Variants in TNS4 observed in about 807,000 individuals in gnomAD.
TNS4 encodes the protein tensin-4.
In TNS4, 46 loss-of-function variants were observed where a neutral mutation model predicts 70.4. That is an observed-to-expected ratio of 0.65 (90% CI 0.52 to 0.84). TNS4 has a LOEUF of 0.84. Ranked by LOEUF, TNS4 falls within the 40% of genes least tolerant of loss-of-function variation. The pLI, the probability that TNS4 is intolerant of heterozygous loss-of-function variation, is 0.00. For synonymous variants in TNS4, 390 were observed against 366.6 expected, an observed-to-expected ratio of 1.06 and a Z score of -0.73; for missense variants, 863 against 907.0, an observed-to-expected ratio of 0.95 and a Z score of 0.62.
At chr17:40,480,911 G>A in intron 8 of TNS4, 143 bp from the exon 9 acceptor site, 1 of 955,660 alleles carries the variant, frequency 1.0e-6, no homozygotes, top group Non-Finnish European at 1.5e-6. Context: ...AACCAGGTGT[G>A]ATTACCGTAA....
Position 40,487,115 on chromosome 17 carries a change from A to G in TNS4, c.1209T>C (p.Ala403=). Residue 403 remains alanine (A), a synonymous_variant, in exon 4 of 13, where the codon GCT becomes GCC. Coordinates refer to ENST00000254051, the MANE Select transcript of TNS4 (RefSeq NM_032865.6). ...GHQNSVQPGA[A]SPSNPCPATR... ...TGGCTGGACAGGGGTTGCTGGGAGA[A>G]GCAGCTCCAGGTTGAACGGAGTTCT... 6.2e-7 allele frequency: 1 copy of G among 1,614,206 alleles called. No homozygotes were observed. The highest frequency in any genetic ancestry group is 2.2e-5 in the East Asian group (1 of 44,884).
chr17:40,495,633 T>G (rs2036131766), intron 2 of TNS4, among the ~76,000 whole-genome samples: 1 of 152,132 alleles, frequency 6.6e-6, no homozygotes, highest in Non-Finnish European at 1.5e-5. Context: ...GGCTCTGAAG[T>G]GAGACACCCT....
In TNS4 at chr17:40,477,152, G is replaced by A. The variant is rs550750498; in HGVS notation, c.*436C>T. 86 of 159,008 alleles carry A rather than the reference G, an allele frequency of 5.4e-4. 1 individual carries two copies. The highest frequency in any genetic ancestry group is 8.3e-4 in the Non-Finnish European group (60 of 72,586). The allele number at this position is 159,008 out of a possible 1,614,324, so 9.8% of individuals were successfully genotyped here. On this transcript the variant is annotated 3_prime_UTR_variant, in exon 13 of 13. Coordinates refer to ENST00000254051, the MANE Select transcript of TNS4 (RefSeq NM_032865.6). ...TCACCAGCTGCAAGCCAGGAGCCCC[G>A]TGGGTCACCGCCAGGCACCTGCTGT...
In TNS4 at chr17:40,488,862, C is replaced by A. The variant is rs1180677266; in HGVS notation, c.547G>T (p.Gly183Cys). 6.2e-7 allele frequency: 1 copy of A among 1,613,274 alleles called. No homozygotes were observed. The highest frequency in any genetic ancestry group is 8.5e-7 in the Non-Finnish European group (1 of 1,179,868). ...GGGACGTCTCTGGAAAGGAGGAGGC[C>A]ACCACTGCGAAGGGAGCCGAAGGGC... ...TPPFGSLRSGGLLLSRDVPRE... is the reference protein window; with the variant it reads ...TPPFGSLRSGCLLLSRDVPRE... Residue 183 changes from glycine to cysteine, a missense_variant, in exon 3 of 13, where the codon GGC (glycine) becomes TGC (cysteine). Coordinates refer to ENST00000254051, the MANE Select transcript of TNS4 (RefSeq NM_032865.6).
rs538027621 is a variant in TNS4, at chr17:40,491,185, A to T, written c.440-2216T>A. Among the ~76,000 whole-genome samples, 4 of 152,344 alleles carry T rather than the reference A, an allele frequency of 2.6e-5. No individual in the cohort carries two copies. The South Asian group carries it at 8.3e-4, about 32-fold the overall frequency. On this transcript the variant is annotated intron_variant, in intron 2 of 12. Transcript: ENST00000254051. ...CTGAACCTTATAATAGCCCTTGAGCAGGGCAGGCATTATTTTTTACAGAGG... is the reference window on the plus strand; with the variant it reads ...CTGAACCTTATAATAGCCCTTGAGCTGGGCAGGCATTATTTTTTACAGAGG...
At chr17:40,498,783 A>G (rs1045703129) in intron 1 of TNS4, among the ~76,000 whole-genome samples, 3 of 152,160 alleles carry the variant, frequency 2.0e-5, no homozygotes, top group African/African-American at 7.2e-5. Flanking sequence ...TCCTGGGCTC[A>G]AGTGCTCCTC....
At position 40,488,885 on chromosome 17, in the gene TNS4, G is replaced by A; in HGVS notation, c.524C>T (p.Pro175Leu). The A allele has an allele frequency of 3.1e-6, 5 of 1,613,484 alleles. No homozygotes were observed. Among genetic ancestry groups the A allele is most frequent in the Non-Finnish European group, 2.5e-6 (3 of 1,179,878 alleles). The change falls in exon 3 of 13, where the codon CCC (proline) becomes CTC (leucine). Residue 175 changes from proline to leucine, a missense_variant. Coordinates refer to ENST00000254051, the MANE Select transcript of TNS4 (RefSeq NM_032865.6). ...QHCSSPSVTP[P>L]FGSLRSGGLL... ...GCCACCACTGCGAAGGGAGCCGAAG[G>A]GCGGGGTGACAGAGGGGCTGGAGCA...
intron 2 of TNS4, among the ~76,000 whole-genome samples, chr17:40,490,283 G>A (rs1037386961): frequency 6.6e-6 from 1 of 151,952 alleles, no homozygotes; most frequent in Non-Finnish European, 1.5e-5. Context: ...TTCCTCTCCC[G>A]AGGTCGGCCT....
At chr17:40,500,853 A>G (rs1297990229) in intron 1 of TNS4, among the ~76,000 whole-genome samples, 2 of 142,984 alleles carry the variant, frequency 1.4e-5, no homozygotes, top group East Asian at 4.8e-4. Flanking sequence ...GACCCATAGG[A>G]CCAGTGAAGG....
At chr17:40,486,312 T>A (rs1341458644) in intron 4 of TNS4, among the ~76,000 whole-genome samples, 1 of 152,148 alleles carries the variant, frequency 6.6e-6, no homozygotes, top group Non-Finnish European at 1.5e-5. Flanking sequence ...GAGTCAGAAC[T>A]GACTCGCCCT....
intron 2 of TNS4, among the ~76,000 whole-genome samples, chr17:40,490,840 G>A (rs2036058762): frequency 6.6e-6 from 1 of 152,222 alleles, no homozygotes; most frequent in South Asian, 2.1e-4. Context: ...TGCAAAGTGA[G>A]GATCTGAAAC....
At chr17:40,497,754 G>A (rs925831939) in intron 1 of TNS4, among the ~76,000 whole-genome samples, 4 of 152,208 alleles carry the variant, frequency 2.6e-5, no homozygotes, top group African/African-American at 7.2e-5. Flanking sequence ...GAGGCAGGCT[G>A]GCCAGATCCC....
chr17:40,494,357 G>A (rs1247970626), intron 2 of TNS4, among the ~76,000 whole-genome samples: 1 of 152,262 alleles, frequency 6.6e-6, no homozygotes, highest in East Asian at 1.9e-4. Context: ...GCTTGTGAAA[G>A]CTCTGCCTGA....
Position 40,476,263 on chromosome 17 carries a change from C to T in TNS4, c.*1325G>A, listed in dbSNP as rs2035845966. The T allele has an allele frequency of 6.6e-6, 1 of 151,808 alleles. No individual in the cohort carries two copies. The highest frequency in any genetic ancestry group is 2.4e-5 in the African/African-American group (1 of 41,298). 9.4% of individuals were successfully genotyped at this position (151,808 alleles called of 1,614,324 possible). A position where few individuals can be genotyped will look rare whatever the true frequency, so the allele number is the denominator to read the frequency against. ...GGGTGGGGGTGGGTGTGGGATAGAG[C>T]CCAGCTCCTCCAAGCCTCTTAGGGA... On this transcript the variant is annotated 3_prime_UTR_variant, in exon 13 of 13. Transcript: ENST00000254051.
intron 2 of TNS4, among the ~76,000 whole-genome samples, chr17:40,489,196 G>A (rs2036034514): frequency 6.6e-6 from 1 of 152,108 alleles, no homozygotes. Context: ...CCCAGGCCTT[G>A]GAATCAGACA....
At chr17:40,495,814 T>C (rs2036134993) in intron 2 of TNS4, among the ~76,000 whole-genome samples, 173 bp downstream of exon 2, 1 of 152,212 alleles carries the variant, frequency 6.6e-6, no homozygotes. Context: ...TGAGGGAAGC[T>C]TGTATTTATC....
rs902472667 is a variant in TNS4, at chr17:40,477,339, C to T, written c.*249G>A. On this transcript the variant is annotated 3_prime_UTR_variant, in exon 13 of 13. Transcript: ENST00000254051. ...AGGAGCATGTTCAAATGCCCACCAG[C>T]ATCTAAGAACAGCTGATCTTGTCTA... 2.9e-5 allele frequency: 14 copies of T among 476,056 alleles called. No individual in the cohort carries two copies. Among genetic ancestry groups the T allele is most frequent in the African/African-American group, 2.8e-4 (14 of 50,850 alleles). The allele number at this position is 476,056 out of a possible 1,614,324, so 29.5% of individuals were successfully genotyped here. A position where few individuals can be genotyped will look rare whatever the true frequency, so the allele number is the denominator to read the frequency against.
chr17:40,484,370 G>T, intron 6 of TNS4, 114 bp downstream of exon 6: 1 of 1,486,786 alleles, frequency 6.7e-7, no homozygotes, highest in Non-Finnish European at 9.0e-7. Context: ...CCTAGGAGCT[G>T]TTATAAGACT....
At chr17:40,500,126 A>C (rs2036193384) in intron 1 of TNS4, among the ~76,000 whole-genome samples, 1 of 152,200 alleles carries the variant, frequency 6.6e-6, no homozygotes, top group African/African-American at 2.4e-5. Flanking sequence ...CCAACTGTGA[A>C]TTGGGGTTTA....
Sources: gnomAD v4.1 joint callset for allele counts (sites outside exome capture counted in the v4.1 genomes callset) on GRCh38, gnomAD v4.1.1 for gene constraint, MANE v1.5 for transcripts, NCBI Gene and HGNC (gene_info 2026-07-23, HGNC 2026-07-21) for gene names.